The following QTMAN variants were observed in gnomAD, a reference collection of about 807,000 sequenced individuals.
The protein encoded by QTMAN is tRNA-queuosine alpha-mannosyltransferase.
At chr2:144,011,885 T>A in the QTMAN span, 1 of 206,156 alleles carries the variant, frequency 4.9e-6, no homozygotes, top group Non-Finnish European at 8.5e-6. Context: ...AGAAAAACAG[T>A]AATCCACATA....
At chr2:144,149,373 A>G in the QTMAN span, among the ~76,000 whole-genome samples, 1 of 151,998 alleles carries the variant, frequency 6.6e-6, no homozygotes, top group Admixed American at 6.6e-5. Context: ...ATATTTTTAA[A>G]TTAACATAAA....
chr2:143,971,923 T>G, the QTMAN span, among the ~76,000 whole-genome samples: 1 of 152,282 alleles, frequency 6.6e-6, no homozygotes, highest in South Asian at 2.1e-4. Flanking sequence ...TATCATGAAT[T>G]AAAACAAATG....
the QTMAN span, among the ~76,000 whole-genome samples, chr2:144,059,042 C>G: frequency 6.6e-6 from 1 of 152,182 alleles, no homozygotes; most frequent in Non-Finnish European, 1.5e-5. Context: ...TTTGCTGGCT[C>G]CCAGTATCCT....
the QTMAN span, among the ~76,000 whole-genome samples, chr2:144,229,671 A>C: frequency 9.2e-5 from 14 of 152,346 alleles, no homozygotes; most frequent in Admixed American, 7.2e-4. Context: ...TTATAGAAAC[A>C]TATTAAGTTA....
chr2:144,241,134 A>T, the QTMAN span, among the ~76,000 whole-genome samples: 1 of 152,248 alleles, frequency 6.6e-6, no homozygotes, highest in African/African-American at 2.4e-5. Flanking sequence ...TCCCTGGACC[A>T]GTAGCAGCAG....
the QTMAN span, chr2:143,957,147 A>T: frequency 6.1e-6 from 9 of 1,464,618 alleles, no homozygotes; most frequent in South Asian, 1.3e-4. Context: ...ACATAGTAAA[A>T]CTGATTAGAG....
At chr2:143,971,551 T>C in the QTMAN span, among the ~76,000 whole-genome samples, 1 of 152,172 alleles carries the variant, frequency 6.6e-6, no homozygotes, top group Admixed American at 6.5e-5. Context: ...AACTCTACAA[T>C]TAAACAAATC....
At chr2:144,324,961 T>C in the QTMAN span, among the ~76,000 whole-genome samples, 2 of 152,146 alleles carry the variant, frequency 1.3e-5, no homozygotes, top group East Asian at 3.9e-4. Flanking sequence ...CTGCAAACCT[T>C]AGTAATTTGC....
chr2:144,134,903 C>T, the QTMAN span, among the ~76,000 whole-genome samples: 2 of 151,814 alleles, frequency 1.3e-5, no homozygotes, highest in Admixed American at 6.6e-5. Flanking sequence ...TTATATGCAA[C>T]CATAATGAAA....
the QTMAN span, among the ~76,000 whole-genome samples, chr2:144,314,437 A>G: frequency 6.6e-6 from 1 of 152,326 alleles, no homozygotes; most frequent in Admixed American, 6.5e-5. Flanking sequence ...AGGGGGCCAG[A>G]CGCAGTGGCT....
At chr2:144,033,569 T>C in the QTMAN span, among the ~76,000 whole-genome samples, 2 of 152,006 alleles carry the variant, frequency 1.3e-5, no homozygotes, top group Admixed American at 1.3e-4. Flanking sequence ...TATAGGGAGG[T>C]TCCATTATGT....
chr2:144,273,874 G>A, the QTMAN span, among the ~76,000 whole-genome samples: 3 of 152,142 alleles, frequency 2.0e-5, no homozygotes, highest in Non-Finnish European at 4.4e-5. Context: ...GGTGGCTCAC[G>A]CCTGTAATCC....
chr2:144,125,913 A>G, the QTMAN span, among the ~76,000 whole-genome samples: 1 of 152,050 alleles, frequency 6.6e-6, no homozygotes. Context: ...GATGGTAAAA[A>G]TTCCCAATGT....
At chr2:144,041,855 T>C in the QTMAN span, among the ~76,000 whole-genome samples, 46 of 152,226 alleles carry the variant, frequency 3.0e-4, no homozygotes, top group Middle Eastern at 0.01. Flanking sequence ...TTCAGGCAGA[T>C]GAGTGAATAA....
chr2:144,132,422 C>T, the QTMAN span, among the ~76,000 whole-genome samples: 1 of 152,046 alleles, frequency 6.6e-6, no homozygotes, highest in Admixed American at 6.6e-5. Flanking sequence ...CTTCACAGAA[C>T]ATTTCCCAGC....
At chr2:144,108,421 C>T in the QTMAN span, among the ~76,000 whole-genome samples, 20 of 152,198 alleles carry the variant, frequency 1.3e-4, no homozygotes, top group East Asian at 1.9e-3. Context: ...GGGCAGATCC[C>T]GAGGTCAGGA....
chr2:144,218,339 A>G, the QTMAN span, among the ~76,000 whole-genome samples: 1 of 152,218 alleles, frequency 6.6e-6, no homozygotes, highest in African/African-American at 2.4e-5. Context: ...GCCATGGCAA[A>G]GCATCTTCCC....
the QTMAN span, among the ~76,000 whole-genome samples, chr2:144,017,868 G>A: frequency 6.6e-6 from 1 of 152,104 alleles, no homozygotes. Flanking sequence ...AGAGACCCAT[G>A]CTTTCTTCAA....
At chr2:144,219,591 T>C in the QTMAN span, among the ~76,000 whole-genome samples, 1 of 152,120 alleles carries the variant, frequency 6.6e-6, no homozygotes, top group Admixed American at 6.5e-5. Context: ...GAGGCCAAGG[T>C]AGGCGGATTG....
Sources: gnomAD v4.1 joint callset for allele counts (sites outside exome capture counted in the v4.1 genomes callset) on GRCh38, gnomAD v4.1.1 for gene constraint, MANE v1.5 for transcripts, NCBI Gene and HGNC (gene_info 2026-07-23, HGNC 2026-07-21) for gene names.